TCF12: variants seen among roughly 807,000 people sequenced by gnomAD.
TCF12 encodes the protein transcription factor 12, also known as DNA-binding protein HTF4.
In TCF12, 45 loss-of-function variants were observed where a neutral mutation model predicts 86.0. The ratio of observed to expected loss-of-function variants is 0.52; its 90% CI spans 0.41 to 0.67. TCF12 has a LOEUF of 0.67. Among genes scored for constraint, TCF12 ranks in the 30% least tolerant of loss-of-function variants. TCF12 has a pLI of 0.00. For synonymous variants in TCF12, 330 were observed against 299.6 expected (o/e 1.10, Z -1.05); for missense variants, 881 against 859.9 (o/e 1.02, Z -0.31).
At chr15:56,973,461 A>G (rs2062442124) in intron 3 of TCF12, among the ~76,000 whole-genome samples, 1 of 152,136 alleles carries the variant, frequency 6.6e-6, no homozygotes, top group Non-Finnish European at 1.5e-5. Context: ...GATGGCTTAT[A>G]ACATTAATAA....
chr15:57,282,511 C>T lies in TCF12; in HGVS notation c.2045C>T (p.Ser682Leu). The part of the protein sequence containing the change: ...RREEEKVSAV[S>L]AEPPTTLPGT... ...GAAGAAGAAAAAGTTTCTGCCGTAT[C>T]GGCAGAGCCGCCAACCACACTGCCA... The change falls in exon 20 of 21, where the codon TCG becomes TTG. Residue 682 changes from serine (S) to leucine (L), a missense_variant. Physicochemically the swap from Ser to Leu is moderately radical, Grantham distance 145. Coordinates refer to ENST00000333725, the MANE Select transcript of TCF12 (RefSeq NM_207037.2). The T allele has an allele frequency of 2.5e-6, 4 of 1,614,234 alleles. No individual in the cohort carries two copies. The highest frequency in any genetic ancestry group is 3.4e-6 in the Non-Finnish European group (4 of 1,180,052).
At chr15:57,007,854 CT>C (rs1189474921) in intron 3 of TCF12, among the ~76,000 whole-genome samples, 604 of 7,854 alleles carry the variant, frequency 0.077, 21 homozygotes, top group East Asian at 0.44. Context: ...CTTTCCCTCC[CT>C]TCCTTCCTTC....
chr15:57,194,259 A>G (rs1175757013), intron 7 of TCF12, among the ~76,000 whole-genome samples: 1 of 123,298 alleles, frequency 8.1e-6, no homozygotes, highest in African/African-American at 2.5e-5. Context: ...TGTCTCTTCC[A>G]TGCCAGGGGC....
chr15:57,129,950 C>T (rs1343493122), intron 5 of TCF12: 1 of 152,252 alleles, frequency 6.6e-6, no homozygotes, highest in African/African-American at 2.4e-5. Flanking sequence ...CTATGCTCCT[C>T]TACTGTGAAA....
intron 19 of TCF12, chr15:57,282,120 A>G (rs2061717736): frequency 2.8e-6 from 1 of 356,172 alleles, no homozygotes; most frequent in African/African-American, 2.1e-5. Flanking sequence ...GTGTCTTAGT[A>G]GGACATTGAA....
chr15:57,133,896 T>G (rs1353989005), intron 5 of TCF12, among the ~76,000 whole-genome samples: 1 of 152,236 alleles, frequency 6.6e-6, no homozygotes, highest in Admixed American at 6.5e-5. Flanking sequence ...TGTGCAAGTT[T>G]AAAGCAAAAT....
chr15:57,071,565 G>T (rs551584287), intron 4 of TCF12, among the ~76,000 whole-genome samples: 2 of 152,266 alleles, frequency 1.3e-5, no homozygotes, highest in Admixed American at 1.3e-4. Flanking sequence ...AGCCCGGGAG[G>T]CGGAGGTTAG....
At chr15:57,180,429 A>G (rs1428789655) in intron 6 of TCF12, among the ~76,000 whole-genome samples, 3 of 152,202 alleles carry the variant, frequency 2.0e-5, no homozygotes, top group Non-Finnish European at 4.4e-5. Context: ...TTGATCCCTC[A>G]GTGACAAAAG....
chr15:56,996,274 G>C (rs184264871), intron 3 of TCF12, among the ~76,000 whole-genome samples: 9 of 151,930 alleles, frequency 5.9e-5, no homozygotes, highest in African/African-American at 2.2e-4. Context: ...GCCAGCTTTT[G>C]GTATCAGCAT....
intron 5 of TCF12, among the ~76,000 whole-genome samples, chr15:57,161,750 G>T (rs1157383807): frequency 6.6e-6 from 1 of 152,078 alleles, no homozygotes; most frequent in Non-Finnish European, 1.5e-5. Context: ...AAATAATCCA[G>T]ACAGTACCTA....
chr15:57,060,351 AAT>A (rs1203170361), intron 3 of TCF12, among the ~76,000 whole-genome samples: 1 of 152,228 alleles, frequency 6.6e-6, no homozygotes, highest in Non-Finnish European at 1.5e-5. Context: ...ATAGAATCAG[AAT>A]ATATTACATT....
At chr15:57,108,482 C>T (rs1223521070) in intron 5 of TCF12, among the ~76,000 whole-genome samples, 1 of 152,052 alleles carries the variant, frequency 6.6e-6, no homozygotes, top group Non-Finnish European at 1.5e-5. Flanking sequence ...TTTTTCTCCC[C>T]TAAAATGATG....
At chr15:57,206,183 C>T (rs2057800351) in intron 8 of TCF12, among the ~76,000 whole-genome samples, 1 of 152,138 alleles carries the variant, frequency 6.6e-6, no homozygotes, top group African/African-American at 2.4e-5. Context: ...TGGCCCAGTG[C>T]CCAGGGTCTT....
intron 8 of TCF12, among the ~76,000 whole-genome samples, chr15:57,230,773 A>G (rs1351916717): frequency 1.3e-5 from 2 of 151,980 alleles, no homozygotes; most frequent in Non-Finnish European, 2.9e-5. Flanking sequence ...ATGAACCCAG[A>G]TTTTATGTTA....
intron 12 of TCF12, among the ~76,000 whole-genome samples, chr15:57,240,879 C>CAAAAAAAAAAAAAAAAA (rs68154303): frequency 9.1e-5 from 6 of 65,690 alleles, no homozygotes; most frequent in African/African-American, 3.2e-4. Context: ...GACCCTGTCT[C>CAAAAAAAAAAAAAAAAA]AAAAAAAAAA....
upstream of TCF12, chr15:56,918,460 C>T (rs1274111253): frequency 8.8e-6 from 3 of 340,362 alleles, no homozygotes; most frequent in African/African-American, 2.2e-5. Context: ...CCCTCCCCAC[C>T]GGCCCCAACT....
chr15:56,997,951 AC>A (rs1287638219), intron 3 of TCF12, among the ~76,000 whole-genome samples: 1 of 152,248 alleles, frequency 6.6e-6, no homozygotes, highest in African/African-American at 2.4e-5. Flanking sequence ...CTAAGCTAAT[AC>A]CCAAATAAAG....
At chr15:57,210,876 A>G (rs1312786516) in intron 8 of TCF12, among the ~76,000 whole-genome samples, 2 of 152,188 alleles carry the variant, frequency 1.3e-5, no homozygotes, top group South Asian at 4.1e-4. Flanking sequence ...TTACTGCTCT[A>G]CTAAATTCTC....
chr15:57,098,389 C>A (rs2049490579), intron 5 of TCF12, among the ~76,000 whole-genome samples: 1 of 152,156 alleles, frequency 6.6e-6, no homozygotes, highest in Non-Finnish European at 1.5e-5. Flanking sequence ...GCTCAACTCT[C>A]ATTAACCAGT....
Sources: gnomAD v4.1 joint callset for allele counts (sites outside exome capture counted in the v4.1 genomes callset) on GRCh38, gnomAD v4.1.1 for gene constraint, MANE v1.5 for transcripts, NCBI Gene and HGNC (gene_info 2026-07-23, HGNC 2026-07-21) for gene names.